Variants in CNNM2 observed in about 807,000 individuals in gnomAD.
CNNM2 encodes the protein metal transporter CNNM2.
Under a neutral mutation model 66.9 loss-of-function variants are expected in CNNM2, and 12 were observed. The ratio of observed to expected loss-of-function variants is 0.18; its 90% CI spans 0.11 to 0.29. CNNM2 has a LOEUF of 0.29. CNNM2 is among the 10% of genes least tolerant of loss of function. The pLI is 1.00. For missense variants in CNNM2, 705 were observed against 1,167.7 expected, an observed-to-expected ratio of 0.60 and a Z score of 5.77; for synonymous variants, 557 against 501.8, an observed-to-expected ratio of 1.11 and a Z score of -1.47.
intron 1 of CNNM2, among the ~76,000 whole-genome samples, chr10:102,928,547 A>T (rs1385162313): frequency 6.7e-6 from 1 of 149,936 alleles, no homozygotes; most frequent in East Asian, 2.0e-4. Context: ...GCGCCACTGC[A>T]CTCCAGCCTG....
Position 102,932,209 on chromosome 10 carries a change from C to CT in CNNM2, c.1621+12119dup, listed in dbSNP as rs534213070. ...ATTGAGTCCAACTTGTCTTTTTTTC[C>CT]TTTTTTTTTTTAACTCATTTTTTGA... On this transcript the variant is annotated intron_variant, in intron 1 of 7. Coordinates refer to ENST00000369878, the MANE Select transcript of CNNM2 (RefSeq NM_017649.5). Among the ~76,000 whole-genome samples the CT allele has an allele frequency of 1.0e-3, 146 of 144,764 alleles. No individual in the cohort carries two copies. In the South Asian group the frequency reaches 0.013, roughly 13 times the overall value. 95.0% of individuals were successfully genotyped at this position (144,764 alleles called of 152,430 possible).
chr10:103,073,741 A>G (rs2134367866), intron 6 of CNNM2, among the ~76,000 whole-genome samples: 2 of 152,052 alleles, frequency 1.3e-5, no homozygotes, highest in Middle Eastern at 6.8e-3. Flanking sequence ...GGGCGCCTGT[A>G]GTCCCAGCTA....
chr10:103,028,321 T>C lies in CNNM2; in HGVS notation c.1622-21386T>C, dbSNP rs147088579. Among the ~76,000 whole-genome samples, 27 of 152,346 alleles carry C rather than the reference T, an allele frequency of 1.8e-4. No individual in the cohort carries two copies. The East Asian group carries it at 3.3e-3, about 18-fold the overall frequency. ...CATCTAGTCATTCAGTAAACACTTA[T>C]CTTTTTTTACTTGACAACTCATTGT... On this transcript the variant is annotated intron_variant, in intron 1 of 7. Coordinates refer to ENST00000369878, the MANE Select transcript of CNNM2 (RefSeq NM_017649.5).
intron 1 of CNNM2, among the ~76,000 whole-genome samples, chr10:102,985,911 G>C (rs1239555843): frequency 6.6e-6 from 1 of 152,152 alleles, no homozygotes; most frequent in Non-Finnish European, 1.5e-5. Context: ...CATCAGCTTG[G>C]AGACCCACAA....
chr10:103,044,003 C>T (rs370056447), intron 1 of CNNM2, among the ~76,000 whole-genome samples: 1 of 152,114 alleles, frequency 6.6e-6, no homozygotes, highest in Non-Finnish European at 1.5e-5. Context: ...AAGCCCTGAT[C>T]GTGACAACAA....
At chr10:103,011,646 CTGTGTGTGTGTG>C (rs10624803) in intron 1 of CNNM2, among the ~76,000 whole-genome samples, 16 of 136,056 alleles carry the variant, frequency 1.2e-4, no homozygotes, top group South Asian at 4.8e-4. Flanking sequence ...AATACTTGCA[CTGTGTGTGTGTG>C]TGTGTGTGTG....
chr10:102,964,644 AC>A (rs2063432984), intron 1 of CNNM2, among the ~76,000 whole-genome samples: 1 of 152,136 alleles, frequency 6.6e-6, no homozygotes. Context: ...GTGCTGTGAT[AC>A]AGCAGAGAAG....
chr10:103,059,554 G>C (rs951897239), intron 4 of CNNM2, among the ~76,000 whole-genome samples: 1 of 152,114 alleles, frequency 6.6e-6, no homozygotes, highest in Admixed American at 6.5e-5. Flanking sequence ...AAAACTTCAA[G>C]TTTTATCTGT....
At chr10:103,048,951 A>T (rs1463301552) in intron 1 of CNNM2, among the ~76,000 whole-genome samples, 1 of 152,016 alleles carries the variant, frequency 6.6e-6, no homozygotes, top group African/African-American at 2.4e-5. Flanking sequence ...GAACTCCTGG[A>T]TCCTCCCACC....
intron 1 of CNNM2, among the ~76,000 whole-genome samples, chr10:103,005,467 G>A (rs1369313054): frequency 6.6e-6 from 1 of 151,740 alleles, no homozygotes; most frequent in Admixed American, 6.6e-5. Context: ...TGGCCAACAT[G>A]GTGAAACCCC....
At chr10:102,988,065 G>A (rs1174947760) in intron 1 of CNNM2, among the ~76,000 whole-genome samples, 2 of 152,174 alleles carry the variant, frequency 1.3e-5, no homozygotes, top group African/African-American at 4.8e-5. Flanking sequence ...TTGGGAGGCC[G>A]AGGCGGGTGG....
At chr10:102,984,654 T>C (rs1302626502) in intron 1 of CNNM2, among the ~76,000 whole-genome samples, 1 of 152,172 alleles carries the variant, frequency 6.6e-6, no homozygotes, top group Non-Finnish European at 1.5e-5. Flanking sequence ...TGTGTAATCT[T>C]GTCCTTACTT....
intron 1 of CNNM2, among the ~76,000 whole-genome samples, chr10:102,962,624 A>G (rs919174380): frequency 2.0e-5 from 3 of 152,176 alleles, no homozygotes; most frequent in African/African-American, 7.2e-5. Flanking sequence ...GAAATATTAC[A>G]TAGCTATTAA....
chr10:102,986,728 C>T (rs1196478135), intron 1 of CNNM2, among the ~76,000 whole-genome samples: 4 of 144,652 alleles, frequency 2.8e-5, no homozygotes, highest in Admixed American at 7.2e-5. Context: ...TGCAGTGACC[C>T]GAGATTGCGC....
intron 1 of CNNM2, among the ~76,000 whole-genome samples, chr10:103,004,315 A>T (rs2064184812): frequency 6.6e-6 from 1 of 152,120 alleles, no homozygotes; most frequent in African/African-American, 2.4e-5. Context: ...TTGCGTGATT[A>T]TACCACACTT....
At chr10:102,955,892 C>T (rs1424676656) in intron 1 of CNNM2, among the ~76,000 whole-genome samples, 1 of 152,212 alleles carries the variant, frequency 6.6e-6, no homozygotes. Context: ...AGCGTTGGCT[C>T]ACGCCTGTAA....
At chr10:102,977,695 C>G (rs2063657607) in intron 1 of CNNM2, among the ~76,000 whole-genome samples, 1 of 152,032 alleles carries the variant, frequency 6.6e-6, no homozygotes. Flanking sequence ...GTGGCACAAA[C>G]CTGTAGTCCC....
intron 1 of CNNM2, among the ~76,000 whole-genome samples, chr10:102,988,871 A>G (rs1157418033): frequency 6.6e-6 from 1 of 152,152 alleles, no homozygotes; most frequent in Non-Finnish European, 1.5e-5. Flanking sequence ...GTGACCGACT[A>G]ACTTTCTCCT....
At position 102,929,479 on chromosome 10, in the gene CNNM2, A is replaced by G. The variant is rs72841290; in HGVS notation, c.1621+9378A>G. On this transcript the variant is annotated intron_variant, in intron 1 of 7. Coordinates refer to ENST00000369878, the MANE Select transcript of CNNM2 (RefSeq NM_017649.5). ...AAAAAAAAAAGTGACTAGTTATTGT[A>G]GGTTTTTTCTTTTCCTTTTTGTTGT... 0.043 allele frequency among the ~76,000 whole-genome samples: 6,514 copies of G among 150,914 alleles called. 156 individuals are homozygous for G. Among genetic ancestry groups the G allele is most frequent in the Non-Finnish European group, 0.057 (3,838 of 67,734 alleles).
Sources: gnomAD v4.1 joint callset for allele counts (sites outside exome capture counted in the v4.1 genomes callset) on GRCh38, gnomAD v4.1.1 for gene constraint, MANE v1.5 for transcripts, NCBI Gene and HGNC (gene_info 2026-07-23, HGNC 2026-07-21) for gene names.